TNKS: variants seen among roughly 807,000 people sequenced by gnomAD.
TNKS encodes poly [ADP-ribose] polymerase tankyrase-1.
TNKS carries 72 observed loss-of-function variants against 135.8 expected under a neutral mutation model. The observed-to-expected ratio is 0.53, with a 90% CI of 0.44 to 0.64. TNKS has a LOEUF of 0.64. Among genes scored for constraint, TNKS ranks in the 30% least tolerant of loss-of-function variants. The probability of loss-of-function intolerance (pLI) is 0.00; values close to 1 mark genes in which losing one functional copy is unlikely to be tolerated. For synonymous variants in TNKS, 849 were observed against 649.3 expected, an observed-to-expected ratio of 1.31 and a Z score of -4.68; for missense variants, 1,769 against 1,674.0, an observed-to-expected ratio of 1.06 and a Z score of -0.99.
At chr8:9,610,754 G>C (rs183582802) in intron 2 of TNKS, among the ~76,000 whole-genome samples, 123 of 152,182 alleles carry the variant, frequency 8.1e-4, no homozygotes, top group African/African-American at 2.8e-3. Flanking sequence ...ACTCTAAAAA[G>C]CTTGCTACAT....
At chr8:9,564,603 T>TA (rs1338451012) in intron 1 of TNKS, among the ~76,000 whole-genome samples, 1 of 152,228 alleles carries the variant, frequency 6.6e-6, no homozygotes, top group Non-Finnish European at 1.5e-5. Flanking sequence ...TACTATAAAA[T>TA]ATTGCAGTAG....
At chr8:9,761,658 A>G (rs765828140) in intron 21 of TNKS, 22 bp downstream of exon 21, 1 of 1,583,284 alleles carries the variant, frequency 6.3e-7, no homozygotes, top group South Asian at 1.2e-5. Context: ...AGAAAAAAAA[A>G]AAAATTTCAG....
chr8:9,573,151 C>G (rs1797823139), intron 1 of TNKS, among the ~76,000 whole-genome samples: 1 of 152,092 alleles, frequency 6.6e-6, no homozygotes, highest in Non-Finnish European at 1.5e-5. Context: ...TCTTTCCCAA[C>G]TCAGCTTCTC....
chr8:9,669,855 AGAAAATATTATCCAAG>A (rs1165686757), intron 3 of TNKS, among the ~76,000 whole-genome samples: 1 of 152,212 alleles, frequency 6.6e-6, no homozygotes, highest in African/African-American at 2.4e-5. Context: ...GACGTTTTAA[AGAAAATATTATCCAAG>A]GAAAGCAATT....
At chr8:9,725,769 C>T (rs570321794) in intron 12 of TNKS, among the ~76,000 whole-genome samples, 1 of 152,332 alleles carries the variant, frequency 6.6e-6, no homozygotes, top group South Asian at 2.1e-4. Context: ...TGTACATAAA[C>T]ATACTTTTGG....
At chr8:9,760,607 C>T (rs1348098690) in intron 20 of TNKS, among the ~76,000 whole-genome samples, 1 of 152,168 alleles carries the variant, frequency 6.6e-6, no homozygotes, top group African/African-American at 2.4e-5. Flanking sequence ...TGTCACAAAG[C>T]TAGCTTCATC....
At chr8:9,772,210 G>C (rs915455819) in intron 26 of TNKS, among the ~76,000 whole-genome samples, 11 of 151,484 alleles carry the variant, frequency 7.3e-5, no homozygotes, top group Non-Finnish European at 7.4e-5. Context: ...TTTCACTAAG[G>C]AGAAGAATAT....
intron 3 of TNKS, among the ~76,000 whole-genome samples, chr8:9,652,359 G>T (rs1054646175): frequency 1.3e-5 from 2 of 152,048 alleles, no homozygotes; most frequent in African/African-American, 4.8e-5. Flanking sequence ...AATTATCTTC[G>T]TTTGAATACA....
chr8:9,777,857 A>C lies in TNKS; in HGVS notation c.*1121A>C, dbSNP rs1394701805. 2.0e-5 allele frequency: 3 copies of C among 152,598 alleles called. No individual in the cohort carries two copies. Among genetic ancestry groups the C allele is most frequent in the African/African-American group, 7.2e-5 (3 of 41,558 alleles). The allele number at this position is 152,598 out of a possible 1,614,324, so 9.5% of individuals were successfully genotyped here. ...TTTAGTTGAGAATGCTGGGATTCAG[A>C]CTCGAATAGTGGATAGATACACACA... On this transcript the variant is annotated 3_prime_UTR_variant, in exon 27 of 27. Coordinates refer to ENST00000310430, the MANE Select transcript of TNKS (RefSeq NM_003747.3).
At chr8:9,708,522 T>C in intron 9 of TNKS, 30 bp downstream of exon 9, 2 of 1,516,490 alleles carry the variant, frequency 1.3e-6, no homozygotes, top group Non-Finnish European at 1.8e-6. Context: ...CTATTCCCTG[T>C]GTCTATAATA....
intron 2 of TNKS, among the ~76,000 whole-genome samples, chr8:9,591,927 C>G (rs973774753): frequency 6.6e-6 from 1 of 152,144 alleles, no homozygotes; most frequent in Non-Finnish European, 1.5e-5. Context: ...AGTTTCCGGT[C>G]TGAGGGCTGC....
chr8:9,756,514 C>T lies in TNKS; in HGVS notation c.3153+3888C>T, dbSNP rs564048316. 5.8e-4 allele frequency among the ~76,000 whole-genome samples: 87 copies of T among 150,820 alleles called. 1 individual carries two copies. Among genetic ancestry groups the T allele is most frequent in the African/African-American group, 1.8e-3 (73 of 41,002 alleles). On this transcript the variant is annotated intron_variant, in intron 20 of 26. Coordinates refer to ENST00000310430, the MANE Select transcript of TNKS (RefSeq NM_003747.3). ...GCTTGTGATTTCCTCAGTATAATAA[C>T]TAAGTCAAGGTTTTAAAAAAGGAGC...
chr8:9,727,886 A>G (rs1310168506), intron 13 of TNKS, among the ~76,000 whole-genome samples: 1 of 152,202 alleles, frequency 6.6e-6, no homozygotes, highest in Non-Finnish European at 1.5e-5. Context: ...GCCACTAGGG[A>G]GAAATTTTTA....
chr8:9,781,901 T>C lies in TNKS; in HGVS notation c.*5165T>C, dbSNP rs1204312915. On this transcript the variant is annotated 3_prime_UTR_variant, in exon 27 of 27. Transcript: ENST00000310430. ...TTTTGTATTTATCTATTTGTAGGATTGTCAGATCAAGTACAAGATGCCCAG... is the reference window on the plus strand; with the variant it reads ...TTTTGTATTTATCTATTTGTAGGATCGTCAGATCAAGTACAAGATGCCCAG... 1 of 152,616 alleles carries C rather than the reference T, an allele frequency of 6.6e-6. No homozygotes were observed. 9.5% of individuals were successfully genotyped at this position (152,616 alleles called of 1,614,324 possible).
intron 20 of TNKS, among the ~76,000 whole-genome samples, chr8:9,753,783 T>G (rs1445051333): frequency 6.6e-6 from 1 of 152,202 alleles, no homozygotes; most frequent in Non-Finnish European, 1.5e-5. Flanking sequence ...AATAGAATGC[T>G]TGTAACTTAA....
intron 5 of TNKS, among the ~76,000 whole-genome samples, chr8:9,692,005 C>CT (rs1803298083): frequency 6.6e-6 from 1 of 152,096 alleles, no homozygotes; most frequent in Non-Finnish European, 1.5e-5. Flanking sequence ...TCCTACATGT[C>CT]TTTTTTTTCT....
chr8:9,648,858 C>T (rs1056879603), intron 3 of TNKS, among the ~76,000 whole-genome samples: 1 of 151,492 alleles, frequency 6.6e-6, no homozygotes, highest in African/African-American at 2.4e-5. Flanking sequence ...GGGAAAACAC[C>T]ATTGCGATGA....
At position 9,677,956 on chromosome 8, in the gene TNKS, C is replaced by A. The variant is rs557626214; in HGVS notation, c.995-1995C>A. 1.4e-4 allele frequency among the ~76,000 whole-genome samples: 21 copies of A among 152,274 alleles called. No individual in the cohort carries two copies. The East Asian group carries it at 2.1e-3, about 15-fold the overall frequency. ...CCTTCCTTCAAAACTGCTCAAGTTTCCCCTCTTCCAGGAAGGCTTCCTTGA... is the reference window on the plus strand; with the variant it reads ...CCTTCCTTCAAAACTGCTCAAGTTTACCCTCTTCCAGGAAGGCTTCCTTGA... On this transcript the variant is annotated intron_variant, in intron 3 of 26. Transcript: ENST00000310430.
At chr8:9,608,295 A>G (rs369594012) in intron 2 of TNKS, among the ~76,000 whole-genome samples, 9 of 152,220 alleles carry the variant, frequency 5.9e-5, no homozygotes, top group African/African-American at 2.2e-4. Context: ...TGTTAATATA[A>G]TGAAACAAAG....
Sources: allele counts gnomAD v4.1 joint callset (sites outside exome capture counted in the v4.1 genomes callset), GRCh38; gene constraint gnomAD v4.1.1; transcripts MANE v1.5; gene names NCBI Gene and HGNC (gene_info 2026-07-23, HGNC 2026-07-21).